Variants in CACNA2D1 observed in about 807,000 individuals in gnomAD.
CACNA2D1 encodes voltage-dependent calcium channel subunit alpha-2/delta-1.
Under a neutral mutation model 171.5 loss-of-function variants are expected in CACNA2D1, and 53 were observed. That is an observed-to-expected ratio of 0.31 (90% confidence interval 0.25 to 0.39). CACNA2D1 has a LOEUF of 0.39. Among genes scored for constraint, CACNA2D1 ranks in the 10% least tolerant of loss-of-function variants. The pLI is 1.00. For missense variants in CACNA2D1, 903 were observed against 1,299.8 expected (o/e 0.69, Z 4.69); for synonymous variants, 442 against 443.1 (o/e 1.00, Z 0.03).
intron 9 of CACNA2D1, 102 bp downstream of exon 9, chr7:82,064,202 C>T (rs1584606130): frequency 7.0e-6 from 5 of 716,570 alleles, no homozygotes; most frequent in East Asian, 2.7e-5. Context: ...TTCTTTGTTT[C>T]TTTTTTAACC....
intron 6 of CACNA2D1, among the ~76,000 whole-genome samples, chr7:82,086,082 G>A (rs1432948449): frequency 6.6e-6 from 1 of 152,122 alleles, no homozygotes. Context: ...GACCAAGCCT[G>A]AACAGTGGAA....
Position 82,248,825 on chromosome 7 carries a change from T to G in CACNA2D1, c.295-78216A>C, listed in dbSNP as rs77090846. The stretch of plus-strand genomic sequence containing the variant: ...GAGAGAAAGGCCAAAAAAAAAAAAA[T>G]GCCCTCTTGCAGCTGGGCGCGGTGG... On this transcript the variant is annotated intron_variant, in intron 3 of 38. Transcript: ENST00000356860. 2.7e-4 allele frequency among the ~76,000 whole-genome samples: 40 copies of G among 147,030 alleles called. No individual in the cohort carries two copies. The East Asian group carries it at 7.1e-3, about 26-fold the overall frequency.
At chr7:82,132,496 T>C (rs1039246116) in intron 5 of CACNA2D1, among the ~76,000 whole-genome samples, 71 of 152,188 alleles carry the variant, frequency 4.7e-4, no homozygotes, top group African/African-American at 1.7e-3. Context: ...AGAAGTGATG[T>C]ATGCAAACTC....
At chr7:82,224,447 G>A (rs572201707) in intron 3 of CACNA2D1, among the ~76,000 whole-genome samples, 6 of 152,178 alleles carry the variant, frequency 3.9e-5, no homozygotes, top group East Asian at 3.9e-4. Context: ...CTAGCTGGGC[G>A]TGGTGGCACA....
At chr7:82,340,994 C>A (rs1389938129) in intron 2 of CACNA2D1, among the ~76,000 whole-genome samples, 1 of 152,160 alleles carries the variant, frequency 6.6e-6, no homozygotes, top group Non-Finnish European at 1.5e-5. Flanking sequence ...ACCTCTGCTG[C>A]TTCAGATACC....
In CACNA2D1 at chr7:82,005,851, G is replaced by A; in HGVS notation, c.1441-12C>T. ...AGAATCAGCTGGTTCTATAATAAGA[G>A]GGCAAAAAATGGCATTTTATGTCAA... On this transcript the variant is annotated splice_polypyrimidine_tract_variant and intron_variant, in intron 16 of 38. Coordinates refer to ENST00000356860, the MANE Select transcript of CACNA2D1 (RefSeq NM_000722.4). The A allele has an allele frequency of 2.6e-6, 4 of 1,563,364 alleles. No individual in the cohort carries two copies. Among genetic ancestry groups the A allele is most frequent in the Non-Finnish European group, 3.5e-6 (4 of 1,134,924 alleles).
At chr7:82,070,710 AG>A (rs1249326506) in intron 7 of CACNA2D1, among the ~76,000 whole-genome samples, 1 of 152,216 alleles carries the variant, frequency 6.6e-6, no homozygotes, top group Non-Finnish European at 1.5e-5. Context: ...AGAGACAAAA[AG>A]GTGGGAGAAA....
chr7:82,379,325 A>C (rs1394994777), intron 1 of CACNA2D1, among the ~76,000 whole-genome samples: 1 of 152,156 alleles, frequency 6.6e-6, no homozygotes, highest in Non-Finnish European at 1.5e-5. Context: ...TTTTTCACCT[A>C]AAGTTTTTAA....
intron 25 of CACNA2D1, among the ~76,000 whole-genome samples, chr7:81,972,105 C>T (rs902713115): frequency 5.3e-5 from 8 of 151,446 alleles, no homozygotes; most frequent in African/African-American, 1.9e-4. Context: ...ATTTTGTAAA[C>T]TTTATCAAAA....
intron 4 of CACNA2D1, among the ~76,000 whole-genome samples, chr7:82,160,778 T>C (rs1411561377): frequency 1.3e-5 from 2 of 152,098 alleles, no homozygotes; most frequent in South Asian, 2.1e-4. Flanking sequence ...TGGCATTTTC[T>C]ACTATTTTAT....
intron 5 of CACNA2D1, among the ~76,000 whole-genome samples, chr7:82,133,527 T>C (rs962221371): frequency 6.6e-5 from 10 of 152,336 alleles, no homozygotes; most frequent in African/African-American, 2.2e-4. Flanking sequence ...TCGCACTATG[T>C]ATCAAAATTC....
chr7:82,053,644 C>T (rs1805480178), intron 10 of CACNA2D1, among the ~76,000 whole-genome samples: 1 of 152,068 alleles, frequency 6.6e-6, no homozygotes. Context: ...ATACGTATCT[C>T]CAGAAGCAGA....
chr7:82,181,149 C>G (rs1797103392), intron 3 of CACNA2D1, among the ~76,000 whole-genome samples: 1 of 134,684 alleles, frequency 7.4e-6, no homozygotes, highest in African/African-American at 2.8e-5. Context: ...TTTAACCAGG[C>G]CGAAAGTAAT....
rs77160182 is a variant in CACNA2D1 at position 82,027,062 on chromosome 7, T to C, written c.1143+5735A>G. Among the ~76,000 whole-genome samples the C allele has an allele frequency of 7.5e-3, 1,136 of 151,648 alleles. 7 individuals are homozygous for C. Among genetic ancestry groups the C allele is most frequent in the Non-Finnish European group, 0.011 (713 of 67,672 alleles). On this transcript the variant is annotated intron_variant, in intron 12 of 38. Coordinates refer to ENST00000356860, the MANE Select transcript of CACNA2D1 (RefSeq NM_000722.4). ...TGGTTATCAGAGGCTGAGAAGGGTATGCTGGGGGTTTGTAGGGAGGTGGAG... is the reference window on the plus strand; with the variant it reads ...TGGTTATCAGAGGCTGAGAAGGGTACGCTGGGGGTTTGTAGGGAGGTGGAG...
intron 3 of CACNA2D1, among the ~76,000 whole-genome samples, chr7:82,299,944 T>C (rs1015772626): frequency 6.6e-6 from 1 of 152,146 alleles, no homozygotes; most frequent in Non-Finnish European, 1.5e-5. Context: ...CCAACAGGTA[T>C]GAAGATAAAT....
intron 3 of CACNA2D1, among the ~76,000 whole-genome samples, chr7:82,239,774 T>G (rs74711750): frequency 0.014 from 2,146 of 152,178 alleles, 32 homozygotes; most frequent in Middle Eastern, 0.061. Context: ...AATTACTTTG[T>G]AAAAGGCTGG....
At chr7:82,298,914 T>C (rs562546842) in intron 3 of CACNA2D1, among the ~76,000 whole-genome samples, 1 of 151,884 alleles carries the variant, frequency 6.6e-6, no homozygotes, top group African/African-American at 2.4e-5. Context: ...AGTACACAAA[T>C]TGGCCGGGCG....
intron 1 of CACNA2D1, among the ~76,000 whole-genome samples, chr7:82,373,386 C>T (rs75240211): frequency 0.011 from 1,613 of 152,316 alleles, 34 homozygotes; most frequent in African/African-American, 0.037. Context: ...AAACACTCCA[C>T]ACACTTATAG....
intron 3 of CACNA2D1, among the ~76,000 whole-genome samples, chr7:82,240,462 G>C (rs1177233607): frequency 6.6e-6 from 1 of 151,918 alleles, no homozygotes; most frequent in Non-Finnish European, 1.5e-5. Flanking sequence ...AAAACTATTA[G>C]CCTCCTTTCA....
Sources: allele counts gnomAD v4.1 joint callset (sites outside exome capture counted in the v4.1 genomes callset), GRCh38; gene constraint gnomAD v4.1.1; transcripts MANE v1.5; gene names NCBI Gene and HGNC (gene_info 2026-07-23, HGNC 2026-07-21).